The following SHOX variants were observed in gnomAD, a reference collection of about 807,000 sequenced individuals.
The protein encoded by SHOX is SHOX homeobox.
A neutral mutation model predicts 29.6 loss-of-function variants in SHOX; 12 were observed. That is an observed-to-expected ratio of 0.41 (90% CI 0.26 to 0.66). The LOEUF is 0.66. Among genes scored for constraint, SHOX ranks in the 30% least tolerant of loss-of-function variants. The pLI is 0.35. For missense variants in SHOX, 499 were observed against 437.7 expected (o/e 1.14, Z -1.25); for synonymous variants, 214 against 200.6 (o/e 1.07, Z -0.57).
downstream of SHOX, among the ~76,000 whole-genome samples, chrX:655,614 CTATATATATATATATA>C (rs1173014302): frequency 0.026 from 898 of 34,678 alleles, 12 homozygotes; most frequent in Middle Eastern, 0.053. Context: ...CTCTCTCTCT[CTATATATATATATATA>C]TATATATATA....
upstream of SHOX, among the ~76,000 whole-genome samples, chrX:627,620 G>A (rs2052561497): frequency 6.6e-6 from 1 of 152,166 alleles, no homozygotes; most frequent in Non-Finnish European, 1.5e-5. Context: ...TGGGGCTTCA[G>A]TTGAAAAAGG....
At chrX:625,128 CTTTT>C (rs1219354365) in intron 1 of SHOX, among the ~76,000 whole-genome samples, 1 of 113,644 alleles carries the variant, frequency 8.8e-6, no homozygotes, top group Non-Finnish European at 1.8e-5. Context: ...CTTTCTCTTT[CTTTT>C]TTCTTTCTCT....
chrX:634,659 G>A lies in SHOX; in HGVS notation c.319G>A (p.Glu107Lys), dbSNP rs1431633029. ...AGAGAAGCGCGAGGACGTGAAGTCG[G>A]AGGACGAGGACGGGCAGACCAAGCT... Reference protein sequence around the residue: ...CKEKREDVKSEDEDGQTKLKQ... With the variant: ...CKEKREDVKSKDEDGQTKLKQ... Residue 107 changes from glutamate to lysine, a missense_variant, in exon 2 of 5, where the codon GAG (glutamate) becomes AAG (lysine). Physicochemically the swap from Glu to Lys is moderately conservative, Grantham distance 56. Coordinates refer to ENST00000686671, the MANE Select transcript of SHOX (RefSeq NM_000451.4). 5 of 1,613,790 alleles carry A rather than the reference G, an allele frequency of 3.1e-6. No individual in the cohort carries two copies. Among genetic ancestry groups the A allele is most frequent in the Non-Finnish European group, 3.4e-6 (4 of 1,179,884 alleles).
At position 644,502 on chromosome X, in the gene SHOX, C is replaced by G; in HGVS notation, c.745C>G (p.Pro249Ala). Residue 249 changes from proline to alanine, a missense_variant, in exon 5 of 5, where the codon CCC becomes GCC. Transcript: ENST00000686671. ...LMFPPPPFGL[P>A]IASLAESASA... ...GTTCCCCCCGCCGCCCTTCGGGCTG[C>G]CCATCGCGTCGCTGGCCGAGTCCGC... is the stretch of plus-strand genomic sequence containing the variant. The G allele has an allele frequency of 6.6e-7, 1 of 1,521,544 alleles. No homozygotes were observed. The highest frequency in any genetic ancestry group is 8.8e-7 in the Non-Finnish European group (1 of 1,141,440). The allele number at this position is 1,521,544 out of a possible 1,614,324, so 94.3% of individuals were successfully genotyped here.
chrX:644,640 G>GCCGCGCAGCCCC lies in SHOX; in HGVS notation c.*11_*22dup. ...CGCGGAGGCCCTGGGGCTCTGACCC[G>GCCGCGCAGCCCC]CCGCGCAGCCCCCCGCGCGCCCGGA... On this transcript the variant is annotated 3_prime_UTR_variant, in exon 5 of 5. Transcript: ENST00000686671. The GCCGCGCAGCCCC allele has an allele frequency of 5.4e-6, 8 of 1,468,544 alleles. No homozygotes were observed. The highest frequency in any genetic ancestry group is 7.2e-6 in the Non-Finnish European group (8 of 1,118,058). The allele number at this position is 1,468,544 out of a possible 1,614,324, so 91.0% of individuals were successfully genotyped here. A position where few individuals can be genotyped will look rare whatever the true frequency, so the allele number is the denominator to read the frequency against.
At position 640,851 on chromosome X, in the gene SHOX, C is replaced by A; in HGVS notation, c.517C>A (p.Arg173Ser). The A allele has an allele frequency of 6.2e-7, 1 of 1,613,836 alleles. No homozygotes were observed. The highest frequency in any genetic ancestry group is 8.5e-7 in the Non-Finnish European group (1 of 1,179,870). ...VWFQNRRAKC[R>S]KQENQMHKGV... is the part of the protein sequence containing the mutation. Reference sequence around the variant, plus strand: ...GTTCCAGAACCGGAGAGCCAAGTGCCGCAAACAAGAGAATCAGATGCATAA... The same window carrying A: ...GTTCCAGAACCGGAGAGCCAAGTGCAGCAAACAAGAGAATCAGATGCATAA... The change falls in exon 3 of 5, where the codon CGC becomes AGC. Residue 173 changes from arginine (R) to serine (S), a missense_variant. Physicochemically the swap from Arg to Ser is moderately radical, Grantham distance 110. Transcript: ENST00000686671.
upstream of SHOX, among the ~76,000 whole-genome samples, chrX:629,851 G>A (rs1267430661): frequency 6.6e-6 from 1 of 152,190 alleles, no homozygotes; most frequent in Non-Finnish European, 1.5e-5. Flanking sequence ...GGCGAGCACC[G>A]GCTTCCCCTG....
At chrX:643,350 G>GC (rs2052897686) in intron 4 of SHOX, among the ~76,000 whole-genome samples, 1 of 138,194 alleles carries the variant, frequency 7.2e-6, no homozygotes, top group Non-Finnish European at 1.6e-5. Flanking sequence ...CCCGGGAGAG[G>GC]CTTGGGGACT....
rs1160241771 is a variant in SHOX at position 630,911 on chromosome X, C to G, written c.14C>G (p.Thr5Arg). Reference protein sequence around the residue: MEELTAFVSKSFDQK... With the variant: MEELRAFVSKSFDQK... ...CCGGCCCCAGCCATGGAAGAGCTCA[C>G]GGCTTTTGTATCCAAGTCTTTTGAC... The change falls in exon 1 of 5, where the codon ACG becomes AGG. Residue 5 changes from threonine (T) to arginine (R), a missense_variant. Thr to Arg is a moderately conservative substitution (Grantham distance 71). Coordinates refer to ENST00000686671, the MANE Select transcript of SHOX (RefSeq NM_000451.4). 12 of 1,613,518 alleles carry G rather than the reference C, an allele frequency of 7.4e-6. No individual in the cohort carries two copies. Among genetic ancestry groups the G allele is most frequent in the Non-Finnish European group, 9.3e-6 (11 of 1,179,848 alleles).
At chrX:657,661 A>G (rs2053166035) in intron 5 of SHOX, among the ~76,000 whole-genome samples, 1 of 152,222 alleles carries the variant, frequency 6.6e-6, no homozygotes, top group African/African-American at 2.4e-5. Flanking sequence ...AAAGATGTAC[A>G]AAAACCTTCT....
upstream of SHOX, among the ~76,000 whole-genome samples, chrX:626,732 GTC>G (rs1389015335): frequency 4.4e-5 from 6 of 137,124 alleles, no homozygotes; most frequent in Non-Finnish European, 9.4e-5. Context: ...CTTTTTCTCT[GTC>G]TCTCTCTGTG....
rs1569495984 is a variant in SHOX at position 650,806 on chromosome X, A to AAAAAAAAAC, written c.*6178_*6179insCAAAAAAAA. 1.4e-5 allele frequency among the ~76,000 whole-genome samples: 2 copies of AAAAAAAAAC among 143,702 alleles called. No individual in the cohort carries two copies. The highest frequency in any genetic ancestry group is 1.5e-5 in the Non-Finnish European group (1 of 65,726). The allele number at this position is 143,702 out of a possible 152,430, so 94.3% of individuals were successfully genotyped here. ...ACGTTTGACATTAAAAAAAAAAAAA[A>AAAAAAAAAC]AAAAAAAAAAAAACTGGTGCCTAAT... On this transcript the variant is annotated 3_prime_UTR_variant, in exon 5 of 5. Transcript: ENST00000686671.
At chrX:636,403 A>G (rs1218574920) in intron 2 of SHOX, among the ~76,000 whole-genome samples, 1 of 138,546 alleles carries the variant, frequency 7.2e-6, no homozygotes, top group East Asian at 2.0e-4. Context: ...AAATATATAT[A>G]AAAACATATA....
intron 2 of SHOX, among the ~76,000 whole-genome samples, chrX:640,605 C>CA (rs1163205061): frequency 1.3e-5 from 2 of 152,002 alleles, no homozygotes; most frequent in African/African-American, 2.4e-5. Context: ...CAAAACAAAA[C>CA]AAAAAATCCA....
intron 1 of SHOX, among the ~76,000 whole-genome samples, chrX:633,919 C>A (rs757590453): frequency 7.1e-4 from 108 of 152,334 alleles, no homozygotes; most frequent in African/African-American, 2.5e-3. Flanking sequence ...ACTCCCCCAG[C>A]AAATACAGAC....
chrX:636,774 T>C (rs1326706467), intron 2 of SHOX, among the ~76,000 whole-genome samples: 2 of 142,648 alleles, frequency 1.4e-5, no homozygotes, highest in Non-Finnish European at 3.0e-5. Context: ...TATATTAACA[T>C]ATATATACAT....
Position 649,822 on chromosome X carries a change from A to G in SHOX, c.*5186A>G. 6.8e-6 allele frequency: 3 copies of G among 443,286 alleles called. No individual in the cohort carries two copies. Among genetic ancestry groups the G allele is most frequent in the Non-Finnish European group, 1.4e-5 (3 of 220,650 alleles). The allele number at this position is 443,286 out of a possible 1,614,324, so 27.5% of individuals were successfully genotyped here. On this transcript the variant is annotated 3_prime_UTR_variant, in exon 5 of 5. Transcript: ENST00000686671. ...CAAAACTTGGCCAAATAGTCCGTGGAGGGTTGTCAGTCGCCGCAGTTGAGC... is the reference window on the plus strand; with the variant it reads ...CAAAACTTGGCCAAATAGTCCGTGGGGGGTTGTCAGTCGCCGCAGTTGAGC...
Position 646,773 on chromosome X carries a change from A to G in SHOX, c.*2137A>G, listed in dbSNP as rs1276348893. On this transcript the variant is annotated 3_prime_UTR_variant, in exon 5 of 5. Transcript: ENST00000686671. ...ATTAGAGAGTTTGCCTCATTCATCC[A>G]TTTTTCTTAAAAGCTGGAAATTAAA... 4 of 151,688 alleles carry G rather than the reference A, an allele frequency of 2.6e-5. No individual in the cohort carries two copies. Among genetic ancestry groups the G allele is most frequent in the Non-Finnish European group, 5.9e-5 (4 of 67,978 alleles). 9.4% of individuals were successfully genotyped at this position (151,688 alleles called of 1,614,324 possible).
upstream of SHOX, among the ~76,000 whole-genome samples, chrX:626,820 TCTC>T (rs1357095187): frequency 1.3e-4 from 19 of 151,094 alleles, no homozygotes; most frequent in Non-Finnish European, 1.3e-4. Flanking sequence ...TCTTTCTCTC[TCTC>T]CTCTCTCTCT....
Sources: allele counts gnomAD v4.1 joint callset (sites outside exome capture counted in the v4.1 genomes callset), GRCh38; gene constraint gnomAD v4.1.1; transcripts MANE v1.5; gene names NCBI Gene and HGNC (gene_info 2026-07-23, HGNC 2026-07-21).